The following SERPINA1 variants were observed in gnomAD, a reference collection of about 807,000 sequenced individuals.
SERPINA1 encodes the protein alpha-1-antitrypsin.
In SERPINA1, 21 loss-of-function variants were observed where a neutral mutation model predicts 25.4. That is an observed-to-expected ratio of 0.83 (90% CI 0.59 to 1.19). The LOEUF (loss-of-function observed/expected upper bound fraction) is 1.19. Among genes scored for constraint, SERPINA1 ranks in the 50% most tolerant of loss-of-function variants. The pLI, the probability that SERPINA1 is intolerant of heterozygous loss-of-function variation, is 0.00. For missense variants in SERPINA1, 546 were observed against 509.0 expected (o/e 1.07, Z -0.70); for synonymous variants, 218 against 211.1 (o/e 1.03, Z -0.29).
chr14:94,380,993 C>T lies in SERPINA1; in HGVS notation c.795G>A (p.Leu265=), dbSNP rs749044003. The T allele has an allele frequency of 3.3e-5, 54 of 1,614,026 alleles. No individual in the cohort carries two copies. Among genetic ancestry groups the T allele is most frequent in the Non-Finnish European group, 4.5e-5 (53 of 1,180,038 alleles). The change falls in exon 3 of 5, where the codon CTG becomes CTA. Residue 265 remains leucine, a synonymous_variant. Coordinates refer to ENST00000393087, the MANE Select transcript of SERPINA1 (RefSeq NM_000295.5). ...CGGTGGCATTGCCCAGGTATTTCAT[C>T]AGCAGCACCCAGCTGGACAGCTTCT... ...HCKKLSSWVL[L]MKYLGNATAI...
intron 1 of SERPINA1, among the ~76,000 whole-genome samples, chr14:94,384,404 A>G (rs1267633689): frequency 2.0e-5 from 3 of 152,236 alleles, no homozygotes; most frequent in Non-Finnish European, 2.9e-5. Flanking sequence ...CAAAGGCTTC[A>G]GGTGATAGGC....
chr14:94,390,428 C>T (rs1014472697), upstream of SERPINA1: 1 of 152,632 alleles, frequency 6.6e-6, no homozygotes, highest in African/African-American at 2.4e-5. Context: ...ACCTGTGGAA[C>T]TGAGTGAGCA....
chr14:94,379,541 GT>G lies in SERPINA1; in HGVS notation c.987del (p.Gln329HisfsTer23). On this transcript the variant is annotated frameshift_variant, in exon 4 of 5. Transcript: ENST00000393087. LOFTEE classifies it high-confidence loss of function. ...TTGCTGAAGACCTTAGTGATGCCCA[GT>G]TGACCCAGGACGCTCTTCAGATCAT... ...GTYDLKSVLG[Q>X]LGITKVFSNG... The G allele has an allele frequency of 6.2e-7, 1 of 1,612,314 alleles. No homozygotes were observed. Among genetic ancestry groups the G allele is most frequent in the Non-Finnish European group, 8.5e-7 (1 of 1,179,368 alleles).
rs372438611 is a variant in SERPINA1 at position 94,382,857 on chromosome 14, G to A, written c.381C>T (p.Leu127=). The A allele has an allele frequency of 6.2e-6, 10 of 1,614,072 alleles. No homozygotes were observed. In the African/African-American group the frequency reaches 1.2e-4, roughly 19 times the overall value. The change falls in exon 2 of 5, where the codon CTC becomes CTT. Residue 127 remains leucine, a synonymous_variant. Transcript: ENST00000393087. ...GCTGGAGCTGGCTGTCTGGCTGGTT[G>A]AGGGTACGGAGGAGTTCCTGGAAGC... The part of the protein sequence containing the change: ...HEGFQELLRT[L]NQPDSQLQLT...
chr14:94,378,663 C>T (rs796964537), intron 4 of SERPINA1, 23 bp from the exon 5 acceptor site: 9 of 1,609,904 alleles, frequency 5.6e-6, no homozygotes, highest in Non-Finnish European at 7.6e-6. Flanking sequence ...GAAGCAGAGA[C>T]ACGTTGTAAG....
At position 94,378,494 on chromosome 14, in the gene SERPINA1, C is replaced by G; in HGVS notation, c.1212G>C (p.Lys404Asn). The change falls in exon 5 of 5, where the codon AAG (lysine) becomes AAC (asparagine). Residue 404 changes from lysine (K) to asparagine (N), a missense_variant. Lys to Asn is a moderately conservative substitution (Grantham distance 94). Coordinates refer to ENST00000393087, the MANE Select transcript of SERPINA1 (RefSeq NM_000295.5). The part of the protein sequence containing the change: ...FVFLMIEQNT[K>N]SPLFMGKVVN... ...CCACTTTTCCCATGAAGAGGGGAGA[C>G]TTGGTATTTTGTTCAATCATTAAGA... The G allele has an allele frequency of 6.2e-7, 1 of 1,613,992 alleles. No homozygotes were observed. Among genetic ancestry groups the G allele is most frequent in the Non-Finnish European group, 8.5e-7 (1 of 1,179,986 alleles).
intron 1 of SERPINA1, among the ~76,000 whole-genome samples, chr14:94,384,937 C>T (rs1897194937): frequency 6.6e-6 from 1 of 152,242 alleles, no homozygotes; most frequent in Non-Finnish European, 1.5e-5. Context: ...GAACAGACCA[C>T]ACATTACATA....
intron 3 of SERPINA1, 159 bp downstream of exon 3, chr14:94,380,712 G>A: frequency 1.1e-6 from 1 of 872,084 alleles, no homozygotes; most frequent in Non-Finnish European, 1.9e-6. Flanking sequence ...GAACTCAGTG[G>A]TGGCCTCATT....
At chr14:94,387,044 A>T (rs1233468571) in intron 1 of SERPINA1, among the ~76,000 whole-genome samples, 1 of 152,256 alleles carries the variant, frequency 6.6e-6, no homozygotes. Flanking sequence ...TTTGTCTGGG[A>T]TTAAACAGAT....
chr14:94,390,142 C>A (rs1897597940), upstream of SERPINA1, among the ~76,000 whole-genome samples: 1 of 152,118 alleles, frequency 6.6e-6, no homozygotes, highest in South Asian at 2.1e-4. Context: ...TAGGTACCAC[C>A]CTCCTTTCAG....
chr14:94,382,169 TA>T, intron 2 of SERPINA1, among the ~76,000 whole-genome samples: 1 of 152,392 alleles, frequency 6.6e-6, no homozygotes, highest in East Asian at 1.9e-4. Context: ...TGTCAAAAGC[TA>T]ATTGTGTTAG....
In SERPINA1 at chr14:94,382,888, T is replaced by C; in HGVS notation, c.350A>G (p.His117Arg). The C allele has an allele frequency of 1.2e-6, 2 of 1,614,104 alleles. No individual in the cohort carries two copies. Among genetic ancestry groups the C allele is most frequent in the South Asian group, 1.1e-5 (1 of 91,092 alleles). The change falls in exon 2 of 5, where the codon CAT becomes CGT. Residue 117 changes from histidine to arginine, a missense_variant. By Grantham distance (29) the His-to-Arg change is conservative. Coordinates refer to ENST00000393087, the MANE Select transcript of SERPINA1 (RefSeq NM_000295.5). ...ACGGAGGAGTTCCTGGAAGCCTTCA[T>C]GGATCTGAGCCTCCGGAATCTCCGT... is the stretch of plus-strand genomic sequence containing the variant. ...NLTEIPEAQI[H>R]EGFQELLRTL...
rs534650421 is a variant in SERPINA1, at chr14:94,379,617, G to A, written c.918-6C>T. On this transcript the variant is annotated splice_polypyrimidine_tract_variant and splice_region_variant and intron_variant, in intron 3 of 4. Transcript: ENST00000393087. ...GTAAATGTAAGCTGGCAGACCTGTC[G>A]TGCAGAAAAGAAATTCAAGGCATGG... The A allele has an allele frequency of 2.5e-5, 40 of 1,614,104 alleles. No individual in the cohort carries two copies. Among genetic ancestry groups the A allele is most frequent in the East Asian group, 8.9e-5 (4 of 44,878 alleles).
In SERPINA1 at chr14:94,379,563, A is replaced by G. The variant is rs190881649; in HGVS notation, c.966T>C (p.Asp322=). The G allele has an allele frequency of 1.9e-6, 3 of 1,611,686 alleles. No homozygotes were observed. The highest frequency in any genetic ancestry group is 2.5e-6 in the Non-Finnish European group (3 of 1,179,250). The change falls in exon 4 of 5, where the codon GAT becomes GAC. Residue 322 remains aspartate (D), a synonymous_variant. Coordinates refer to ENST00000393087, the MANE Select transcript of SERPINA1 (RefSeq NM_000295.5). The part of the protein sequence containing the change: ...LPKLSITGTY[D]LKSVLGQLGI... ...CCAGTTGACCCAGGACGCTCTTCAG[A>G]TCATAGGTTCCAGTAATGGACAGTT...
At position 94,377,685 on chromosome 14, in the gene SERPINA1, C is replaced by G. The variant is rs558473967; in HGVS notation, c.*764G>C. Reference sequence around the variant, plus strand: ...GGAGATAGAGAAAACAAAGCAGAGACCCTCCTCTTCATCTGGGGAGAAGGG... The same window carrying G: ...GGAGATAGAGAAAACAAAGCAGAGAGCCTCCTCTTCATCTGGGGAGAAGGG... On this transcript the variant is annotated 3_prime_UTR_variant, in exon 5 of 5. Coordinates refer to ENST00000393087, the MANE Select transcript of SERPINA1 (RefSeq NM_000295.5). The G allele has an allele frequency of 5.2e-5, 8 of 152,458 alleles. No individual in the cohort carries two copies. The highest frequency in any genetic ancestry group is 1.9e-4 in the African/African-American group (8 of 41,430). 9.4% of individuals were successfully genotyped at this position (152,458 alleles called of 1,614,324 possible).
At chr14:94,380,315 G>T (rs1665321793) in intron 3 of SERPINA1, among the ~76,000 whole-genome samples, 1 of 152,284 alleles carries the variant, frequency 6.6e-6, no homozygotes, top group South Asian at 2.1e-4. Flanking sequence ...CTAATGTGTG[G>T]CTCATGTTTA....
rs1243719626 is a variant in SERPINA1, at chr14:94,376,956, C to G, written c.*1493G>C. On this transcript the variant is annotated 3_prime_UTR_variant, in exon 5 of 5. Coordinates refer to ENST00000393087, the MANE Select transcript of SERPINA1 (RefSeq NM_000295.5). ...TTCAGACTCTCAGGTCTGGTGTCAT[C>G]CTAGGGGGCTTGGTGATGGCCATAT... is the stretch of plus-strand genomic sequence containing the variant. The G allele has an allele frequency of 1.3e-5, 2 of 152,114 alleles. No homozygotes were observed. Among genetic ancestry groups the G allele is most frequent in the Non-Finnish European group, 2.9e-5 (2 of 68,010 alleles). 9.4% of individuals were successfully genotyped at this position (152,114 alleles called of 1,614,324 possible).
chr14:94,385,411 C>T (rs542731438), intron 1 of SERPINA1, among the ~76,000 whole-genome samples: 1 of 152,258 alleles, frequency 6.6e-6, no homozygotes, highest in Non-Finnish European at 1.5e-5. Context: ...TCACTGAAAC[C>T]TCCACCTCCC....
At position 94,382,878 on chromosome 14, in the gene SERPINA1, G is replaced by C; in HGVS notation, c.360C>G (p.Phe120Leu). The C allele has an allele frequency of 6.2e-7, 1 of 1,614,150 alleles. No homozygotes were observed. The highest frequency in any genetic ancestry group is 8.5e-7 in the Non-Finnish European group (1 of 1,179,980). The stretch of plus-strand genomic sequence containing the variant: ...GGTTGAGGGTACGGAGGAGTTCCTG[G>C]AAGCCTTCATGGATCTGAGCCTCCG... ...EIPEAQIHEG[F>L]QELLRTLNQP... The change falls in exon 2 of 5, where the codon TTC (phenylalanine) becomes TTG (leucine). Residue 120 changes from phenylalanine to leucine, a missense_variant. Physicochemically the swap from Phe to Leu is conservative, Grantham distance 22 (BLOSUM62 0). Transcript: ENST00000393087.
Sources: allele counts gnomAD v4.1 joint callset (sites outside exome capture counted in the v4.1 genomes callset), GRCh38; gene constraint gnomAD v4.1.1; transcripts MANE v1.5; gene names NCBI Gene and HGNC (gene_info 2026-07-23, HGNC 2026-07-21).